Variants in ABHD12 observed in about 807,000 individuals in gnomAD.
The protein encoded by ABHD12 is lysophosphatidylserine lipase ABHD12.
ABHD12 carries 43 observed loss-of-function variants against 58.3 expected under a neutral mutation model. That is an observed-to-expected ratio of 0.74 (90% CI 0.58 to 0.95). The LOEUF (loss-of-function observed/expected upper bound fraction) is 0.95, where lower values mean the gene tolerates loss of function less well. Ranked by LOEUF, ABHD12 falls within the 40% of genes least tolerant of loss-of-function variation. The pLI, the probability that ABHD12 is intolerant of heterozygous loss-of-function variation, is 0.00. For synonymous variants in ABHD12, 219 were observed against 211.2 expected, an observed-to-expected ratio of 1.04 and a Z score of -0.32; for missense variants, 539 against 537.2, an observed-to-expected ratio of 1.00 and a Z score of -0.03.
At chr20:25,339,774 T>G in intron 1 of ABHD12, 1 of 1,267,318 alleles carries the variant, frequency 7.9e-7, no homozygotes, top group South Asian at 1.4e-5. Flanking sequence ...GTAGGTTACT[T>G]ATTAGCTCCT....
intron 2 of ABHD12, among the ~76,000 whole-genome samples, chr20:25,331,416 C>A (rs540245387): frequency 6.6e-6 from 1 of 152,192 alleles, no homozygotes; most frequent in Non-Finnish European, 1.5e-5. Flanking sequence ...CCCAATCTAG[C>A]AAGGCAGGCC....
At chr20:25,340,894 C>CT (rs1399932923) in intron 1 of ABHD12, among the ~76,000 whole-genome samples, 2 of 152,188 alleles carry the variant, frequency 1.3e-5, no homozygotes, top group Non-Finnish European at 2.9e-5. Context: ...ATGGAACATA[C>CT]TTTACCTTGA....
chr20:25,372,220 C>CTT (rs539579415), intron 1 of ABHD12, among the ~76,000 whole-genome samples: 2 of 144,650 alleles, frequency 1.4e-5, no homozygotes, highest in Non-Finnish European at 1.5e-5. Flanking sequence ...TCAGCCTCTT[C>CTT]TTTTTTTTTT....
intron 10 of ABHD12, among the ~76,000 whole-genome samples, chr20:25,306,192 A>G (rs1025427532): frequency 2.0e-5 from 3 of 152,100 alleles, no homozygotes; most frequent in Admixed American, 6.5e-5. Context: ...AAAAAAAAAA[A>G]AAGAAGAAAA....
At chr20:25,356,716 G>A (rs1033124313) in intron 1 of ABHD12, among the ~76,000 whole-genome samples, 15 of 152,166 alleles carry the variant, frequency 9.9e-5, no homozygotes, top group African/African-American at 3.4e-4. Context: ...GTGGCAGAGT[G>A]GTAGGAGAGG....
rs146395674 is a variant in ABHD12, at chr20:25,363,375, C to T, written c.192-24024G>A. On this transcript the variant is annotated intron_variant, in intron 1 of 12. Transcript: ENST00000339157. ...CTGGTATTACAGGTACACGCACCCA[C>T]GCCCAGCTAATTTTTGTATTTTTAG... Among the ~76,000 whole-genome samples the T allele has an allele frequency of 1.6e-3, 246 of 151,914 alleles. 3 individuals are homozygous for T. Among genetic ancestry groups the T allele is most frequent in the African/African-American group, 5.6e-3 (231 of 41,470 alleles).
In ABHD12 at chr20:25,301,990, T is replaced by G. The variant is rs2259961; in HGVS notation, c.1157+229A>C. On this transcript the variant is annotated intron_variant, in intron 12 of 12. Transcript: ENST00000339157. ...CCCCCCGTGTGGGTCTGTACATCCTTTACAACATGGAGGCGGCTCACCCTG... is the reference window on the plus strand; with the variant it reads ...CCCCCCGTGTGGGTCTGTACATCCTGTACAACATGGAGGCGGCTCACCCTG... 0.57 allele frequency among the ~76,000 whole-genome samples: 86,738 copies of G among 152,114 alleles called. 26,229 individuals are homozygous for G. Among genetic ancestry groups the G allele is most frequent in the East Asian group, 0.98 (5,086 of 5,178 alleles).
intron 2 of ABHD12, among the ~76,000 whole-genome samples, chr20:25,332,373 C>A (rs1870385461): frequency 6.6e-6 from 1 of 152,014 alleles, no homozygotes; most frequent in African/African-American, 2.4e-5. Flanking sequence ...TTTAACAACC[C>A]ACTGTCAACA....
chr20:25,390,770 G>T lies in ABHD12; in HGVS notation c.-67C>A. ...CTGCGCCGCAGTGCCGCCGCTCACA[G>T]CCGCCGCCACCCAGAGCCCGGAGCC... On this transcript the variant is annotated 5_prime_UTR_variant, in exon 1 of 13. It adds an upstream start codon to the 5' untranslated region. Coordinates refer to ENST00000339157, the MANE Select transcript of ABHD12 (RefSeq NM_001042472.3). 9.3e-7 allele frequency: 1 copy of T among 1,076,512 alleles called. No homozygotes were observed. Among genetic ancestry groups the T allele is most frequent in the Non-Finnish European group, 1.2e-6 (1 of 854,850 alleles). 66.7% of individuals were successfully genotyped at this position (1,076,512 alleles called of 1,614,324 possible).
chr20:25,313,646 G>C (rs2088907030), intron 6 of ABHD12, among the ~76,000 whole-genome samples: 1 of 142,376 alleles, frequency 7.0e-6, no homozygotes, highest in African/African-American at 2.7e-5. Flanking sequence ...GCCAGGTGTA[G>C]TGGTGTGTGC....
intron 6 of ABHD12, among the ~76,000 whole-genome samples, chr20:25,312,540 T>A (rs1316664551): frequency 2.0e-5 from 3 of 152,254 alleles, no homozygotes; most frequent in Non-Finnish European, 2.9e-5. Context: ...AACCTCCACC[T>A]CCCAGCCGCC....
chr20:25,346,364 A>T (rs553551117), intron 1 of ABHD12, among the ~76,000 whole-genome samples: 1 of 152,340 alleles, frequency 6.6e-6, no homozygotes, highest in African/African-American at 2.4e-5. Flanking sequence ...AGGGCAGTGA[A>T]ACTATTGTGT....
intron 2 of ABHD12, among the ~76,000 whole-genome samples, chr20:25,327,234 C>T (rs1241603306): frequency 2.0e-5 from 3 of 152,106 alleles, no homozygotes; most frequent in South Asian, 2.1e-4. Context: ...TTTGGGAGGC[C>T]GAGGTGGGCA....
intron 1 of ABHD12, among the ~76,000 whole-genome samples, chr20:25,382,773 A>G (rs115452539): frequency 0.012 from 1,899 of 152,286 alleles, 42 homozygotes; most frequent in African/African-American, 0.041. Flanking sequence ...GGGAAGGGTC[A>G]CTGTGGCTGA....
chr20:25,339,595 A>T (rs2089427454), intron 1 of ABHD12: 1 of 1,469,060 alleles, frequency 6.8e-7, no homozygotes, highest in Non-Finnish European at 9.2e-7. Flanking sequence ...AAAGACATAG[A>T]AATAGCTAAT....
chr20:25,388,118 A>G (rs1404313365), intron 1 of ABHD12, among the ~76,000 whole-genome samples: 2 of 144,322 alleles, frequency 1.4e-5, no homozygotes, highest in Non-Finnish European at 3.0e-5. Flanking sequence ...AAAATTGGCT[A>G]AACACTGAAA....
chr20:25,357,479 G>A (rs1015265396), intron 1 of ABHD12, among the ~76,000 whole-genome samples: 4 of 152,214 alleles, frequency 2.6e-5, no homozygotes, highest in African/African-American at 9.6e-5. Context: ...TGAAGCTAAT[G>A]AATGAGGTCT....
intron 2 of ABHD12, among the ~76,000 whole-genome samples, chr20:25,324,710 C>G (rs1363788220): frequency 1.3e-5 from 2 of 152,218 alleles, no homozygotes; most frequent in African/African-American, 4.8e-5. Context: ...CATACACACT[C>G]CTTCCCAGAA....
chr20:25,390,586 G>C lies in ABHD12; in HGVS notation c.118C>G (p.Leu40Val), dbSNP rs746196586. The stretch of plus-strand genomic sequence containing the variant: ...GCCGCCGCCGGGCCCGTCAGGCGTA[G>C]GTTCTGCTTCAGGCGGCAGTCGGCG... ...LDADCRLKQN[L>V]RLTGPAAAEP... Residue 40 changes from leucine (L) to valine (V), a missense_variant, in exon 1 of 13, where the codon CTA becomes GTA. Physicochemically the swap from Leu to Val is conservative, Grantham distance 32. Coordinates refer to ENST00000339157, the MANE Select transcript of ABHD12 (RefSeq NM_001042472.3). 9.7e-5 allele frequency: 143 copies of C among 1,476,894 alleles called. No individual in the cohort carries two copies. Among genetic ancestry groups the C allele is most frequent in the African/African-American group, 2.9e-5 (2 of 68,068 alleles). The allele number at this position is 1,476,894 out of a possible 1,614,324, so 91.5% of individuals were successfully genotyped here.
Sources: allele counts gnomAD v4.1 joint callset (sites outside exome capture counted in the v4.1 genomes callset), GRCh38; gene constraint gnomAD v4.1.1; transcripts MANE v1.5; gene names NCBI Gene and HGNC (gene_info 2026-07-23, HGNC 2026-07-21).